Variants in TMEM63C observed in about 807,000 individuals in gnomAD.
The protein encoded by TMEM63C is transmembrane protein 63C, also known as osmosensitive cation channel TMEM63C.
TMEM63C carries 32 observed loss-of-function variants against 99.2 expected under a neutral mutation model. The observed-to-expected ratio is 0.32, with a 90% CI of 0.24 to 0.43. The LOEUF (loss-of-function observed/expected upper bound fraction) is 0.43, where lower values mean the gene tolerates loss of function less well. Ranked by LOEUF, TMEM63C falls within the 20% of genes least tolerant of loss-of-function variation. The pLI is 1.00. For synonymous variants in TMEM63C, 376 were observed against 397.9 expected (o/e 0.94, Z 0.66); for missense variants, 826 against 1,053.0 (o/e 0.78, Z 2.98).
chr14:77,237,258 C>T (rs1458176774), intron 9 of TMEM63C, among the ~76,000 whole-genome samples: 1 of 152,124 alleles, frequency 6.6e-6, no homozygotes, highest in Non-Finnish European at 1.5e-5. Flanking sequence ...GCTGCTGCTA[C>T]TTAGTGTACC....
intron 5 of TMEM63C, among the ~76,000 whole-genome samples, chr14:77,222,207 A>G (rs903690291): frequency 6.6e-6 from 1 of 152,108 alleles, no homozygotes; most frequent in African/African-American, 2.4e-5. Flanking sequence ...ATGATATCCC[A>G]CCACACACCC....
chr14:77,225,755 C>T (rs378878), intron 6 of TMEM63C, among the ~76,000 whole-genome samples: 26,946 of 152,066 alleles, frequency 0.18, 2,641 homozygotes, highest in Non-Finnish European at 0.22. Flanking sequence ...GTGAACTCCA[C>T]ACCAGGAAAA....
At chr14:77,216,702 C>T (rs1415399949) in intron 2 of TMEM63C, among the ~76,000 whole-genome samples, 2 of 152,176 alleles carry the variant, frequency 1.3e-5, no homozygotes, top group Admixed American at 6.5e-5. Context: ...TCTAATCTGC[C>T]GGCAAATCTT....
At chr14:77,223,360 G>GGTGGCT (rs372104136) in intron 5 of TMEM63C, among the ~76,000 whole-genome samples, 5 of 152,088 alleles carry the variant, frequency 3.3e-5, no homozygotes, top group Non-Finnish European at 2.9e-5. Context: ...ACAGTGTCCA[G>GGTGGCT]CCAGGATGGG....
intron 6 of TMEM63C, among the ~76,000 whole-genome samples, chr14:77,226,139 C>T (rs1473986335): frequency 1.3e-5 from 2 of 152,226 alleles, no homozygotes; most frequent in East Asian, 1.9e-4. Flanking sequence ...CACACGTACA[C>T]GTGTGCACAC....
At chr14:77,235,423 G>GGAA (rs1491226232) in intron 8 of TMEM63C, among the ~76,000 whole-genome samples, 1 of 77,996 alleles carries the variant, frequency 1.3e-5, no homozygotes, top group Admixed American at 1.6e-4. Flanking sequence ...TGTGATGGGT[G>GGAA]GGGAAGGTGT....
At position 77,258,495 on chromosome 14, in the gene TMEM63C, G is replaced by A. The variant is rs1170783709; in HGVS notation, c.*1769G>A. On this transcript the variant is annotated 3_prime_UTR_variant, in exon 24 of 24. Transcript: ENST00000298351. Reference sequence around the variant, plus strand: ...AGCTTGGGTTGGCTGGAGAGAGGCTGTCTTTCCCATTCCTTGTCCAGCTAG... The same window carrying A: ...AGCTTGGGTTGGCTGGAGAGAGGCTATCTTTCCCATTCCTTGTCCAGCTAG... The A allele has an allele frequency of 6.6e-6, 1 of 152,406 alleles. No homozygotes were observed. The highest frequency in any genetic ancestry group is 6.5e-5 in the Admixed American group (1 of 15,290). 9.4% of individuals were successfully genotyped at this position (152,406 alleles called of 1,614,324 possible). A position where few individuals can be genotyped will look rare whatever the true frequency, so the allele number is the denominator to read the frequency against.
chr14:77,214,076 C>T (rs1441907218), intron 2 of TMEM63C, among the ~76,000 whole-genome samples: 1 of 152,106 alleles, frequency 6.6e-6, no homozygotes, highest in African/African-American at 2.4e-5. Flanking sequence ...TTCATTCCTT[C>T]TCCATCCCCA....
At chr14:77,190,746 C>T (rs967944268) in intron 1 of TMEM63C, among the ~76,000 whole-genome samples, 3 of 152,148 alleles carry the variant, frequency 2.0e-5, no homozygotes, top group African/African-American at 7.2e-5. Context: ...TTAACTCTTA[C>T]TTCATAGGAA....
In TMEM63C at chr14:77,256,911, T is replaced by TG; in HGVS notation, c.*190dup. ...TCCTGACCTGCTGCCCGGCTGGAAC[T>TG]GGGGGTGCTCGGCAGTGCTGAAGGA... On this transcript the variant is annotated 3_prime_UTR_variant, in exon 24 of 24. Coordinates refer to ENST00000298351, the MANE Select transcript of TMEM63C (RefSeq NM_020431.4). The TG allele has an allele frequency of 1.6e-6, 1 of 616,128 alleles. No individual in the cohort carries two copies. The highest frequency in any genetic ancestry group is 1.8e-5 in the African/African-American group (1 of 54,246). The allele number at this position is 616,128 out of a possible 1,614,324, so 38.2% of individuals were successfully genotyped here.
At chr14:77,249,191 A>G (rs1889315870) in intron 20 of TMEM63C, 100 bp from the exon 21 acceptor site, 2 of 1,284,548 alleles carry the variant, frequency 1.6e-6, no homozygotes, top group African/African-American at 1.5e-5. Context: ...TGTGACTCTG[A>G]CAGCCGTGGA....
intron 1 of TMEM63C, among the ~76,000 whole-genome samples, 152 bp from the exon 2 acceptor site, chr14:77,213,294 G>A (rs1888523107): frequency 3.9e-5 from 6 of 152,186 alleles, no homozygotes; most frequent in Admixed American, 3.9e-4. Flanking sequence ...CAATAGGCCA[G>A]GGGGAAACTA....
chr14:77,243,754 CAT>C (rs781549651), intron 15 of TMEM63C, among the ~76,000 whole-genome samples: 4 of 152,188 alleles, frequency 2.6e-5, no homozygotes, highest in Non-Finnish European at 5.9e-5. Context: ...CAACAACACA[CAT>C]GTGCATGCGC....
chr14:77,252,181 G>T (rs1230885351), intron 22 of TMEM63C, among the ~76,000 whole-genome samples: 2 of 152,126 alleles, frequency 1.3e-5, no homozygotes, highest in Non-Finnish European at 2.9e-5. Flanking sequence ...ACTGCAGGCT[G>T]CTGCGATGTG....
At chr14:77,220,507 C>A (rs867507737) in intron 5 of TMEM63C, among the ~76,000 whole-genome samples, 2 of 152,116 alleles carry the variant, frequency 1.3e-5, no homozygotes, top group Non-Finnish European at 2.9e-5. Flanking sequence ...CTTCCCAGCC[C>A]TGTTTAGTGG....
At chr14:77,248,680 G>A in intron 19 of TMEM63C, 87 bp from the exon 20 acceptor site, 1 of 1,500,210 alleles carries the variant, frequency 6.7e-7, no homozygotes, top group South Asian at 1.1e-5. Context: ...CCAGGCCTGA[G>A]CTGCCAGGAG....
At chr14:77,251,660 T>A in intron 21 of TMEM63C, 129 bp from the exon 22 acceptor site, 1 of 691,938 alleles carries the variant, frequency 1.4e-6, no homozygotes, top group South Asian at 1.7e-5. Context: ...AGATGCCAGT[T>A]GTTATCAGAG....
Position 77,244,254 on chromosome 14 carries a change from A to G in TMEM63C, c.1342-95A>G. The G allele has an allele frequency of 4.1e-6, 4 of 979,536 alleles. No individual in the cohort carries two copies. The South Asian group carries it at 5.8e-5, about 14-fold the overall frequency. 60.7% of individuals were successfully genotyped at this position (979,536 alleles called of 1,614,324 possible). A position where few individuals can be genotyped will look rare whatever the true frequency, so the allele number is the denominator to read the frequency against. On this transcript the variant is annotated intron_variant, in intron 15 of 23. Transcript: ENST00000298351. ...GCCCCTTGCAGCCTCCAGGAGAGCA[A>G]GCCAGCCCTGGGAGTGAGTGGGAGG...
chr14:77,198,202 G>A (rs1171323741), intron 1 of TMEM63C, among the ~76,000 whole-genome samples: 3 of 152,244 alleles, frequency 2.0e-5, no homozygotes, highest in African/African-American at 7.2e-5. Context: ...ATGGGGCTGT[G>A]GCCAAAACCT....
Sources: allele counts gnomAD v4.1 joint callset (sites outside exome capture counted in the v4.1 genomes callset), GRCh38; gene constraint gnomAD v4.1.1; transcripts MANE v1.5; gene names NCBI Gene and HGNC (gene_info 2026-07-23, HGNC 2026-07-21).